GRK3: variants seen among roughly 807,000 people sequenced by gnomAD.
GRK3 encodes the protein G protein-coupled receptor kinase 3, also known as adrenergic, beta, receptor kinase 2.
Under a neutral mutation model 95.7 loss-of-function variants are expected in GRK3, and 54 were observed. The ratio of observed to expected loss-of-function variants is 0.56; its 90% CI spans 0.45 to 0.71. GRK3 has a LOEUF of 0.71. Ranked by LOEUF, GRK3 falls within the 30% of genes least tolerant of loss-of-function variation. The probability of loss-of-function intolerance (pLI) is 0.00; values close to 1 mark genes in which losing one functional copy is unlikely to be tolerated. For missense variants in GRK3, 649 were observed against 851.2 expected (o/e 0.76, Z 2.96); for synonymous variants, 281 against 290.8 (o/e 0.97, Z 0.34).
In GRK3 at chr22:25,587,263, A is replaced by C. The variant is rs115453460; in HGVS notation, c.114-17114A>C. 6.6e-3 allele frequency among the ~76,000 whole-genome samples: 1,005 copies of C among 152,252 alleles called. 13 individuals are homozygous for C. Among genetic ancestry groups the C allele is most frequent in the African/African-American group, 0.022 (930 of 41,536 alleles). On this transcript the variant is annotated intron_variant, in intron 1 of 20. Coordinates refer to ENST00000324198, the MANE Select transcript of GRK3 (RefSeq NM_005160.4). ...TTTAGAAAAATTACTCTTGGAAACA[A>C]GGAGGCTGCAACCCTCCCTGCATGA...
At chr22:25,633,836 T>C (rs1236910962) in intron 2 of GRK3, among the ~76,000 whole-genome samples, 1 of 152,150 alleles carries the variant, frequency 6.6e-6, no homozygotes, top group Non-Finnish European at 1.5e-5. Flanking sequence ...TATAAGAAAA[T>C]GCATTAAAAT....
At chr22:25,611,731 C>T (rs1319741511) in intron 2 of GRK3, among the ~76,000 whole-genome samples, 2 of 151,896 alleles carry the variant, frequency 1.3e-5, no homozygotes, top group East Asian at 3.9e-4. Flanking sequence ...GGCTGGAATC[C>T]AGTCTCTTTC....
In GRK3 at chr22:25,637,881, G is replaced by T. The variant is rs141541635; in HGVS notation, c.191-6711G>T. Among the ~76,000 whole-genome samples the T allele has an allele frequency of 1.8e-4, 27 of 152,342 alleles. No individual in the cohort carries two copies. The East Asian group carries it at 3.3e-3, about 18-fold the overall frequency. ...ATGGTGCAGATGAAGTCTGGAGGCA[G>T]TCTGCTGGGAAATTCTCCCTTCCCT... On this transcript the variant is annotated intron_variant, in intron 2 of 20. Transcript: ENST00000324198.
At chr22:25,572,524 C>G (rs904346796) in intron 1 of GRK3, among the ~76,000 whole-genome samples, 5 of 152,120 alleles carry the variant, frequency 3.3e-5, no homozygotes, top group Non-Finnish European at 7.4e-5. Flanking sequence ...CCTGTTGTTT[C>G]CTTTTTAATG....
intron 1 of GRK3, among the ~76,000 whole-genome samples, chr22:25,588,653 GT>G (rs1932396604): frequency 6.6e-6 from 1 of 152,026 alleles, no homozygotes; most frequent in African/African-American, 2.4e-5. Flanking sequence ...AAGGAAAGTA[GT>G]TTCATTTTGG....
chr22:25,565,239 C>A, intron 1 of GRK3, 86 bp downstream of exon 1: 1 of 601,314 alleles, frequency 1.7e-6, no homozygotes, highest in Non-Finnish European at 2.6e-6. Flanking sequence ...GGGTCGGGCG[C>A]TGAGCCTCCG....
intron 3 of GRK3, among the ~76,000 whole-genome samples, chr22:25,650,284 G>A (rs1194823151): frequency 2.0e-5 from 3 of 152,080 alleles, no homozygotes; most frequent in Admixed American, 6.6e-5. Context: ...CTCGTGATCC[G>A]CCTGCCTTGG....
intron 8 of GRK3, among the ~76,000 whole-genome samples, chr22:25,676,322 A>G (rs1374715735): frequency 6.6e-6 from 1 of 152,156 alleles, no homozygotes; most frequent in Non-Finnish European, 1.5e-5. Context: ...GTTGCTTGGC[A>G]CCGTTCATTA....
intron 2 of GRK3, among the ~76,000 whole-genome samples, chr22:25,614,028 A>G (rs2084518864): frequency 6.6e-6 from 1 of 152,172 alleles, no homozygotes. Flanking sequence ...CAGAAAAGCT[A>G]CATTTTACTG....
At chr22:25,630,874 T>C (rs1393372390) in intron 2 of GRK3, among the ~76,000 whole-genome samples, 1 of 152,220 alleles carries the variant, frequency 6.6e-6, no homozygotes, top group African/African-American at 2.4e-5. Context: ...TAGAAGAAGA[T>C]CCAACTGTTT....
At chr22:25,692,004 C>T (rs2085168321) in intron 12 of GRK3, among the ~76,000 whole-genome samples, 1 of 152,242 alleles carries the variant, frequency 6.6e-6, no homozygotes, top group Admixed American at 6.5e-5. Flanking sequence ...TGCTCTGTCT[C>T]CAAGGCTGGA....
chr22:25,645,179 C>T, intron 3 of GRK3, among the ~76,000 whole-genome samples: 1 of 152,108 alleles, frequency 6.6e-6, no homozygotes, highest in Admixed American at 6.5e-5. Context: ...AGAGAGAGGC[C>T]AGAAACTTCC....
rs1218164121 is a variant in GRK3, at chr22:25,686,286, G to A, written c.826+1038G>A. ...AAGGAATTTCACAGCGTAATAATGA[G>A]CAAAAGAAGCCAAACACCAAACACA... On this transcript the variant is annotated intron_variant, in intron 10 of 20. Coordinates refer to ENST00000324198, the MANE Select transcript of GRK3 (RefSeq NM_005160.4). Among the ~76,000 whole-genome samples the A allele has an allele frequency of 3.3e-5, 5 of 151,732 alleles. No homozygotes were observed. The East Asian group carries it at 5.8e-4, about 18-fold the overall frequency.
intron 2 of GRK3, among the ~76,000 whole-genome samples, chr22:25,631,254 T>G (rs2084662103): frequency 6.6e-6 from 1 of 152,258 alleles, no homozygotes; most frequent in Non-Finnish European, 1.5e-5. Flanking sequence ...GTGAAGAATG[T>G]TGTGTATCCT....
intron 13 of GRK3, among the ~76,000 whole-genome samples, chr22:25,695,432 T>C (rs1040741443): frequency 6.6e-6 from 1 of 152,246 alleles, no homozygotes; most frequent in African/African-American, 2.4e-5. Flanking sequence ...TTTTATTCTG[T>C]ACCATGTAGG....
At chr22:25,632,635 A>T (rs1375183811) in intron 2 of GRK3, among the ~76,000 whole-genome samples, 1 of 152,068 alleles carries the variant, frequency 6.6e-6, no homozygotes, top group African/African-American at 2.4e-5. Flanking sequence ...TTTTCCTACA[A>T]TTTTATAGTT....
chr22:25,688,126 C>A (rs932427518), intron 11 of GRK3, among the ~76,000 whole-genome samples: 1 of 151,304 alleles, frequency 6.6e-6, no homozygotes, highest in Admixed American at 6.6e-5. Flanking sequence ...GTCCCAGCTA[C>A]TCAGGAGGCT....
intron 12 of GRK3, among the ~76,000 whole-genome samples, chr22:25,694,716 C>T (rs1481648111): frequency 6.6e-6 from 1 of 152,184 alleles, no homozygotes; most frequent in Non-Finnish European, 1.5e-5. Flanking sequence ...GTCCACAGCG[C>T]CGCAGCGTGG....
chr22:25,648,161 G>A, intron 3 of GRK3: 1 of 673,430 alleles, frequency 1.5e-6, no homozygotes, highest in South Asian at 1.6e-5. Flanking sequence ...AAAAACGAGA[G>A]AGCGAAACTA....
Sources: gnomAD v4.1 joint callset for allele counts (sites outside exome capture counted in the v4.1 genomes callset) on GRCh38, gnomAD v4.1.1 for gene constraint, MANE v1.5 for transcripts, NCBI Gene and HGNC (gene_info 2026-07-23, HGNC 2026-07-21) for gene names.